Variants in ASPM observed in about 807,000 individuals in gnomAD.
ASPM encodes the protein assembly factor for spindle microtubules.
ASPM carries 256 observed loss-of-function variants against 366.4 expected under a neutral mutation model. That is an observed-to-expected ratio of 0.70 (90% CI 0.63 to 0.77). The LOEUF (loss-of-function observed/expected upper bound fraction) is 0.77. ASPM is among the 30% of genes least tolerant of loss of function. The pLI is 0.00. For missense variants in ASPM, 4,146 were observed against 4,090.4 expected, an observed-to-expected ratio of 1.01 and a Z score of -0.37; for synonymous variants, 1,414 against 1,342.9, an observed-to-expected ratio of 1.05 and a Z score of -1.16.
rs748079523 is a variant in ASPM, at chr1:197,084,364, G to A, written c.10394C>T (p.Ala3465Val). The part of the protein sequence containing the change: ...NMEEITNPLQ[A>V]IQMVMDTLGI... Reference sequence around the variant, plus strand: ...AAGCGTATCCATCACCATTTGAATAGCTTGCAGGGGATTTGTGATTTCTTC... The same window carrying A: ...AAGCGTATCCATCACCATTTGAATAACTTGCAGGGGATTTGTGATTTCTTC... Residue 3465 changes from alanine (A) to valine (V), a missense_variant, in exon 28 of 28, where the codon GCT (alanine) becomes GTT (valine). This residue lies in a region of ASPM where 3,624 missense variants were observed against 3,591.7 expected (regional missense o/e 1.01). Coordinates refer to ENST00000367409, the MANE Select transcript of ASPM (RefSeq NM_018136.5). 2 of 1,612,216 alleles carry A rather than the reference G, an allele frequency of 1.2e-6. No individual in the cohort carries two copies. Among genetic ancestry groups the A allele is most frequent in the Non-Finnish European group, 1.7e-6 (2 of 1,179,554 alleles).
In ASPM at chr1:197,104,719, T is replaced by C. The variant is rs201329859; in HGVS notation, c.4532A>G (p.Lys1511Arg). ...CTTCTGGATGGTTAGTATGGACTCT[T>C]TTCTTCTTTTATATAACTTTTGGGC... ...FQAQKLYKRR[K>R]ESILTIQKYY... Residue 1511 changes from lysine to arginine, a missense_variant, in exon 18 of 28, where the codon AAA becomes AGA. Physicochemically the swap from Lys to Arg is conservative, Grantham distance 26. Coordinates refer to ENST00000367409, the MANE Select transcript of ASPM (RefSeq NM_018136.5). 6.2e-7 allele frequency: 1 copy of C among 1,610,228 alleles called. No individual in the cohort carries two copies. The highest frequency in any genetic ancestry group is 8.5e-7 in the Non-Finnish European group (1 of 1,178,548).
intron 5 of ASPM, among the ~76,000 whole-genome samples, chr1:197,134,829 A>T (rs1658368327): frequency 6.6e-6 from 1 of 152,258 alleles, no homozygotes; most frequent in African/African-American, 2.4e-5. Context: ...ATATGCCCAA[A>T]GTGGGCAGGC....
intron 12 of ASPM, 113 bp from the exon 13 acceptor site, chr1:197,124,444 C>T: frequency 1.2e-6 from 1 of 818,618 alleles, no homozygotes; most frequent in Non-Finnish European, 1.9e-6. Flanking sequence ...ATGTTTTAAA[C>T]CAGGAAGTTA....
In ASPM at chr1:197,106,031, A is replaced by G. The variant is rs564797885; in HGVS notation, c.4066-846T>C. On this transcript the variant is annotated intron_variant, in intron 17 of 27. Coordinates refer to ENST00000367409, the MANE Select transcript of ASPM (RefSeq NM_018136.5). ...GCATGGAGAGGTTGTTCTCTACTAC[A>G]TCTTACTTTTTCTCGCATATAAGTA... 8.5e-5 allele frequency among the ~76,000 whole-genome samples: 13 copies of G among 152,082 alleles called. No individual in the cohort carries two copies. In the South Asian group the frequency reaches 2.5e-3, roughly 29 times the overall value.
chr1:197,118,702 A>G (rs1657815452), intron 16 of ASPM, among the ~76,000 whole-genome samples: 1 of 152,098 alleles, frequency 6.6e-6, no homozygotes, highest in Non-Finnish European at 1.5e-5. Context: ...CCACCACCAT[A>G]AGAACAAATG....
At position 197,094,212 on chromosome 1, in the gene ASPM, ATTACT is replaced by A. The variant is rs1380219755; in HGVS notation, c.8988-37_8988-33del. Reference sequence around the variant, plus strand: ...AGTAGTTATTGGAAAGCAATGTCAAATTACTTTAACTTATTCAATGAGTATTTATT... The same window carrying A: ...AGTAGTTATTGGAAAGCAATGTCAAATTAACTTATTCAATGAGTATTTATT... On this transcript the variant is annotated intron_variant, in intron 19 of 27. Coordinates refer to ENST00000367409, the MANE Select transcript of ASPM (RefSeq NM_018136.5). The A allele has an allele frequency of 5.2e-6, 7 of 1,353,442 alleles. No homozygotes were observed. The Admixed American group carries it at 7.0e-5, about 14-fold the overall frequency. 83.8% of individuals were successfully genotyped at this position (1,353,442 alleles called of 1,614,324 possible).
intron 10 of ASPM, among the ~76,000 whole-genome samples, chr1:197,125,875 CT>C (rs1362358825): frequency 1.3e-5 from 2 of 152,146 alleles, no homozygotes; most frequent in African/African-American, 4.8e-5. Context: ...ACCATAGTCT[CT>C]AAAGGCTAGA....
In ASPM at chr1:197,096,072, G is replaced by C; in HGVS notation, c.8913C>G (p.His2971Gln). The C allele has an allele frequency of 6.2e-7, 1 of 1,608,648 alleles. No homozygotes were observed. Among genetic ancestry groups the C allele is most frequent in the Non-Finnish European group, 8.5e-7 (1 of 1,175,794 alleles). The change falls in exon 19 of 28, where the codon CAC becomes CAG. Residue 2971 changes from histidine to glutamine, a missense_variant. By Grantham distance (24) the His-to-Gln change is conservative. Around this residue, in one of 3 missense-constraint regions of ASPM, gnomAD observed 3,624 missense variants for 3,591.7 expected, o/e 1.01. Coordinates refer to ENST00000367409, the MANE Select transcript of ASPM (RefSeq NM_018136.5). ...CTTTTAATATAGCTAGATATTCTTTGTGTGCTCTCCAACATCTATACCAGG... is the reference window on the plus strand; with the variant it reads ...CTTTTAATATAGCTAGATATTCTTTCTGTGCTCTCCAACATCTATACCAGG... Reference protein sequence around the residue: ...IQAWYRCWRAHKEYLAILKAV... With the variant: ...IQAWYRCWRAQKEYLAILKAV...
chr1:197,145,615 G>C (rs2125115624), intron 1 of ASPM, among the ~76,000 whole-genome samples: 1 of 152,064 alleles, frequency 6.6e-6, no homozygotes, highest in Admixed American at 6.5e-5. Context: ...TTTAAAAAAA[G>C]CTGCTTTAAC....
At position 197,103,236 on chromosome 1, in the gene ASPM, CCTATAATACTTTTGAATCAGA is replaced by C. The variant is rs1657262343; in HGVS notation, c.5994_6014del (p.Leu1999_Arg2005del). ...TCTGTTCTCTTCCAATACTGTAAGC[CCTATAATACTTTTGAATCAGA>C]AGAGCAGCTTTTTTCATGATTTTCC... On this transcript the variant is annotated inframe_deletion, in exon 18 of 28. Transcript: ENST00000367409. The C allele has an allele frequency of 3.0e-5, 48 of 1,612,696 alleles. No homozygotes were observed. Among genetic ancestry groups the C allele is most frequent in the Non-Finnish European group, 4.0e-5 (47 of 1,179,346 alleles).
At position 197,133,370 on chromosome 1, in the gene ASPM, C is replaced by T; in HGVS notation, c.2399G>A (p.Arg800Lys). The change falls in exon 6 of 28, where the codon AGA (arginine) becomes AAA (lysine). Residue 800 changes from arginine to lysine, a missense_variant. By Grantham distance (26) the Arg-to-Lys change is conservative. Around this residue, in one of 3 missense-constraint regions of ASPM, gnomAD observed 3,624 missense variants for 3,591.7 expected, o/e 1.01. Coordinates refer to ENST00000367409, the MANE Select transcript of ASPM (RefSeq NM_018136.5). ...CTTACCCACATCTTTCCATAGGTGTCTATCTTTTCGAACAATTAACCGCCT... is the reference window on the plus strand; with the variant it reads ...CTTACCCACATCTTTCCATAGGTGTTTATCTTTTCGAACAATTAACCGCCT... ...EARRLIVRKD[R>K]HLWKDVGERQ... is the part of the protein sequence containing the mutation. The T allele has an allele frequency of 6.2e-7, 1 of 1,613,842 alleles. No individual in the cohort carries two copies. Among genetic ancestry groups the T allele is most frequent in the Non-Finnish European group, 8.5e-7 (1 of 1,179,868 alleles).
rs1358866932 is a variant in ASPM at position 197,100,507 on chromosome 1, A to T, written c.8744T>A (p.Ile2915Asn). 6.2e-7 allele frequency: 1 copy of T among 1,609,842 alleles called. No homozygotes were observed. Among genetic ancestry groups the T allele is most frequent in the East Asian group, 2.2e-5 (1 of 44,712 alleles). ...AAATCCTTTACTTCTAGCTTGAATA[A>T]TGATAACACTGCTTCTGATCTGTAA... is the stretch of plus-strand genomic sequence containing the variant. ...VYLQIRSSVIIIQARSKGFIQ... is the reference protein window; with the variant it reads ...VYLQIRSSVINIQARSKGFIQ... The change falls in exon 18 of 28, where the codon ATT becomes AAT. Residue 2915 changes from isoleucine to asparagine, a missense_variant. Physicochemically the swap from Ile to Asn is moderately radical, Grantham distance 149 (BLOSUM62 -3). Around this residue, in one of 3 missense-constraint regions of ASPM, gnomAD observed 3,624 missense variants for 3,591.7 expected, o/e 1.01. Coordinates refer to ENST00000367409, the MANE Select transcript of ASPM (RefSeq NM_018136.5).
intron 4 of ASPM, chr1:197,138,761 T>C (rs1187167542): frequency 4.1e-6 from 3 of 723,042 alleles, no homozygotes; most frequent in Non-Finnish European, 5.0e-6. Context: ...TTTCTTACGA[T>C]GTTTGTCTTT....
In ASPM at chr1:197,113,004, T is replaced by C. The variant is rs80330588; in HGVS notation, c.4065+4785A>G. On this transcript the variant is annotated intron_variant, in intron 17 of 27. Transcript: ENST00000367409. ...AAAGGTAATTTTCAAAAAAAGGAAA[T>C]GTAGCACATAAGCACCATGGAATAC... Among the ~76,000 whole-genome samples, 1,088 of 152,192 alleles carry C rather than the reference T, an allele frequency of 7.1e-3. 10 individuals carry two copies. The highest frequency in any genetic ancestry group is 0.024 in the African/African-American group (989 of 41,522).
intron 23 of ASPM, 112 bp downstream of exon 23, chr1:197,090,738 C>T (rs772021575): frequency 9.3e-6 from 9 of 968,676 alleles, no homozygotes; most frequent in African/African-American, 4.9e-5. Context: ...GTTATTCTAC[C>T]GGCTAATGCG....
intron 5 of ASPM, 40 bp downstream of exon 5, chr1:197,135,056 T>G (rs1459315209): frequency 7.2e-7 from 1 of 1,379,432 alleles, no homozygotes; most frequent in East Asian, 2.5e-5. Flanking sequence ...CTTTATCTGT[T>G]AAAAGTATTA....
chr1:197,102,677 C>G lies in ASPM; in HGVS notation c.6574G>C (p.Ala2192Pro). The part of the protein sequence containing the change: ...VRRTLRKMQT[A>P]ATLIQSNYRR... ...TAGTTTGACTGAATGAGTGTTGCTG[C>G]AGTCTGCATCTTTCTAAGAGTCCGT... Residue 2192 changes from alanine (A) to proline (P), a missense_variant, in exon 18 of 28, where the codon GCA becomes CCA. Coordinates refer to ENST00000367409, the MANE Select transcript of ASPM (RefSeq NM_018136.5). The G allele has an allele frequency of 1.2e-6, 2 of 1,612,700 alleles. No homozygotes were observed. The highest frequency in any genetic ancestry group is 1.1e-5 in the South Asian group (1 of 91,054).
intron 10 of ASPM, 99 bp downstream of exon 10, chr1:197,128,391 C>T: frequency 2.8e-6 from 3 of 1,076,896 alleles, no homozygotes; most frequent in South Asian, 1.3e-5. Context: ...ATTTATTGTA[C>T]TACTTGAAAG....
chr1:197,108,521 A>C (rs146733338), intron 17 of ASPM, among the ~76,000 whole-genome samples: 1 of 152,120 alleles, frequency 6.6e-6, no homozygotes, highest in Non-Finnish European at 1.5e-5. Flanking sequence ...GAAAAAGGGA[A>C]TATCACTACA....
Sources: gnomAD v4.1 joint callset for allele counts (sites outside exome capture counted in the v4.1 genomes callset) on GRCh38, gnomAD v4.1.1 for gene constraint, gnomAD v4.1.1 regional missense constraint, MANE v1.5 for transcripts, NCBI Gene and HGNC (gene_info 2026-07-23, HGNC 2026-07-21) for gene names.